AMHR2: variants seen among roughly 807,000 people sequenced by gnomAD.
The protein encoded by AMHR2 is anti-Mullerian hormone receptor type 2.
In AMHR2, 36 loss-of-function variants were observed where a neutral mutation model predicts 61.4. The observed-to-expected ratio is 0.59, with a 90% CI of 0.45 to 0.77. The LOEUF is 0.77. AMHR2 is among the 30% of genes least tolerant of loss of function. The pLI is 0.00. For missense variants in AMHR2, 638 were observed against 714.6 expected, an observed-to-expected ratio of 0.89 and a Z score of 1.22; for synonymous variants, 258 against 279.4, an observed-to-expected ratio of 0.92 and a Z score of 0.76.
In AMHR2 at chr12:53,429,120, C is replaced by T. The variant is rs892439577; in HGVS notation, c.967+110C>T. 293 of 1,031,310 alleles carry T rather than the reference C, an allele frequency of 2.8e-4. 2 individuals carry two copies. The highest frequency in any genetic ancestry group is 1.2e-4 in the Non-Finnish European group (80 of 686,996). The allele number at this position is 1,031,310 out of a possible 1,614,324, so 63.9% of individuals were successfully genotyped here. A position where few individuals can be genotyped will look rare whatever the true frequency, so the allele number is the denominator to read the frequency against. On this transcript the variant is annotated intron_variant, in intron 7 of 10. Transcript: ENST00000257863. ...CAAAAGAGGGAGGAAGAGCCGGGCA[C>T]GGTGGCTCACGCCTATAATCCCAGC...
At chr12:53,430,537 TCTC>T in intron 10 of AMHR2, 1 of 580,268 alleles carries the variant, frequency 1.7e-6, no homozygotes, top group Non-Finnish European at 3.1e-6. Context: ...CCAGCCTGTC[TCTC>T]CTCTCTGCCA....
At chr12:53,428,655 G>A (rs1939825122) in intron 6 of AMHR2, among the ~76,000 whole-genome samples, 1 of 152,174 alleles carries the variant, frequency 6.6e-6, no homozygotes, top group Non-Finnish European at 1.5e-5. Context: ...GATTACAGGA[G>A]GCCACATCCA....
chr12:53,430,437 C>G (rs1420226031), intron 10 of AMHR2, 155 bp downstream of exon 10: 1 of 1,176,738 alleles, frequency 8.5e-7, no homozygotes, highest in Non-Finnish European at 1.2e-6. Flanking sequence ...CAAGCCTCCT[C>G]TCCCCGTCAG....
chr12:53,430,154 C>G lies in AMHR2; in HGVS notation c.1297C>G (p.Pro433Ala). Reference sequence around the variant, plus strand: ...CCTCTACCTTCCTCCAGACAGCAGTCCACCACCCTTCCAACTGGCCTATGA... The same window carrying G: ...CCTCTACCTTCCTCCAGACAGCAGTGCACCACCCTTCCAACTGGCCTATGA... Reference protein sequence around the residue: ...RCPDLRPDSSPPPFQLAYEAE... With the variant: ...RCPDLRPDSSAPPFQLAYEAE... The change falls in exon 10 of 11, where the codon CCA becomes GCA. Residue 433 changes from proline (P) to alanine (A), a missense_variant. Physicochemically the swap from Pro to Ala is conservative, Grantham distance 27. Transcript: ENST00000257863. 2 of 1,614,208 alleles carry G rather than the reference C, an allele frequency of 1.2e-6. No individual in the cohort carries two copies. The highest frequency in any genetic ancestry group is 8.5e-7 in the Non-Finnish European group (1 of 1,180,034).
chr12:53,425,094 T>A (rs1592591846), intron 3 of AMHR2, 71 bp from the exon 4 acceptor site: 2 of 1,607,448 alleles, frequency 1.2e-6, no homozygotes, highest in East Asian at 4.5e-5. Flanking sequence ...ACGCAAGCTC[T>A]CAGGAGGGGA....
In AMHR2 at chr12:53,424,997, C is replaced by G. The variant is rs574091089; in HGVS notation, c.424+97C>G. On this transcript the variant is annotated intron_variant, in intron 3 of 10. Transcript: ENST00000257863. ...CAGTTCTCACCCTACTCCCGCCCCA[C>G]GCTTTCCTCCTCCTGGCCTTGGGAA... 3.9e-6 allele frequency: 6 copies of G among 1,551,690 alleles called. No individual in the cohort carries two copies. In the South Asian group the frequency reaches 5.6e-5, roughly 14 times the overall value.
At position 53,425,438 on chromosome 12, in the gene AMHR2, G is replaced by A. The variant is rs1293060359; in HGVS notation, c.503-17G>A. The stretch of plus-strand genomic sequence containing the variant: ...TATGCATTTGCACCCTGACCCTAAG[G>A]CTCTTGTCTGTTCCAGCCCTGCTAC... On this transcript the variant is annotated splice_polypyrimidine_tract_variant and intron_variant, in intron 4 of 10. Coordinates refer to ENST00000257863, the MANE Select transcript of AMHR2 (RefSeq NM_020547.3). 7 of 1,613,288 alleles carry A rather than the reference G, an allele frequency of 4.3e-6. No homozygotes were observed. Among genetic ancestry groups the A allele is most frequent in the Non-Finnish European group, 5.9e-6 (7 of 1,179,788 alleles).
intron 6 of AMHR2, among the ~76,000 whole-genome samples, chr12:53,427,932 T>C (rs751624168): frequency 7.9e-5 from 12 of 152,156 alleles, no homozygotes; most frequent in Non-Finnish European, 1.5e-4. Flanking sequence ...CTTTGCCCTA[T>C]TGTAAGTAGT....
At chr12:53,430,091 A>C in intron 9 of AMHR2, 55 bp from the exon 10 acceptor site, 1 of 1,614,044 alleles carries the variant, frequency 6.2e-7, no homozygotes, top group Non-Finnish European at 8.5e-7. Context: ...TGCCCTTTCT[A>C]CATGGTAGGC....
Position 53,429,583 on chromosome 12 carries a change from C to G in AMHR2, c.1098C>G (p.Ala366=). 3 of 1,614,128 alleles carry G rather than the reference C, an allele frequency of 1.9e-6. No individual in the cohort carries two copies. Among genetic ancestry groups the G allele is most frequent in the Non-Finnish European group, 2.5e-6 (3 of 1,180,020 alleles). Reference sequence around the variant, plus strand: ...TCCCTGGCCTCACTCAGCCCCCTGCCTGGACCCCTACTCAACCACAAGGCC... The same window carrying G: ...TCCCTGGCCTCACTCAGCCCCCTGCGTGGACCCCTACTCAACCACAAGGCC... The part of the protein sequence containing the change: ...LVLPGLTQPP[A]WTPTQPQGPA... The change falls in exon 8 of 11, where the codon GCC becomes GCG. Residue 366 remains alanine, a synonymous_variant. Coordinates refer to ENST00000257863, the MANE Select transcript of AMHR2 (RefSeq NM_020547.3).
intron 8 of AMHR2, 88 bp from the exon 9 acceptor site, chr12:53,429,743 C>G: frequency 6.2e-7 from 1 of 1,604,546 alleles, no homozygotes; most frequent in Non-Finnish European, 8.5e-7. Context: ...ATTGCTGAGT[C>G]TGTAGTTGGG....
chr12:53,424,262 T>A (rs770408534), intron 1 of AMHR2, 26 bp from the exon 2 acceptor site: 1 of 1,612,064 alleles, frequency 6.2e-7, no homozygotes, highest in African/African-American at 1.3e-5. Flanking sequence ...CCTTGAATCT[T>A]TTCCTTTCCC....
Position 53,424,436 on chromosome 12 carries a change from C to A in AMHR2, c.198C>A (p.Asn66Lys). ...GCCGCTGCTGCTTTGGGATCTGGAA[C>A]CTGACCCAAGACCGGGCACAGGTGG... ...LYSRCCFGIW[N>K]LTQDRAQVEM... The change falls in exon 2 of 11, where the codon AAC becomes AAA. Residue 66 changes from asparagine (N) to lysine (K), a missense_variant. Coordinates refer to ENST00000257863, the MANE Select transcript of AMHR2 (RefSeq NM_020547.3). 1.2e-6 allele frequency: 2 copies of A among 1,613,584 alleles called. No homozygotes were observed. The highest frequency in any genetic ancestry group is 1.7e-6 in the Non-Finnish European group (2 of 1,179,850).
Position 53,429,727 on chromosome 12 carries a change from T to C in AMHR2, c.1140+102T>C. ...CAGTTGTAGCAATACCTATAGCATTTGGGACATTGCTGAGTCTGTAGTTGG... is the reference window on the plus strand; with the variant it reads ...CAGTTGTAGCAATACCTATAGCATTCGGGACATTGCTGAGTCTGTAGTTGG... On this transcript the variant is annotated intron_variant, in intron 8 of 10. Transcript: ENST00000257863. 1.9e-6 allele frequency: 3 copies of C among 1,599,518 alleles called. No homozygotes were observed. The South Asian group carries it at 3.3e-5, about 18-fold the overall frequency.
At chr12:53,430,110 G>A in intron 9 of AMHR2, 36 bp from the exon 10 acceptor site, 1 of 1,614,086 alleles carries the variant, frequency 6.2e-7, no homozygotes. Context: ...GCACCCCTAG[G>A]ACTAACTGAT....
intron 8 of AMHR2, 101 bp downstream of exon 8, chr12:53,429,726 T>G (rs891199258): frequency 5.6e-6 from 9 of 1,599,908 alleles, no homozygotes; most frequent in Non-Finnish European, 6.8e-6. Context: ...CCTATAGCAT[T>G]TGGGACATTG....
chr12:53,431,591 G>A lies in AMHR2; in HGVS notation c.*118G>A, dbSNP rs1425303257. ...GCCGAATCCTTGGATTCTTCTGCGGGCATCCAGTCCACATCAGTTCTGACC... is the reference window on the plus strand; with the variant it reads ...GCCGAATCCTTGGATTCTTCTGCGGACATCCAGTCCACATCAGTTCTGACC... On this transcript the variant is annotated 3_prime_UTR_variant, in exon 11 of 11. Coordinates refer to ENST00000257863, the MANE Select transcript of AMHR2 (RefSeq NM_020547.3). 1.5e-6 allele frequency: 2 copies of A among 1,323,208 alleles called. No homozygotes were observed. Among genetic ancestry groups the A allele is most frequent in the Non-Finnish European group, 1.1e-6 (1 of 936,182 alleles). 82.0% of individuals were successfully genotyped at this position (1,323,208 alleles called of 1,614,324 possible). A position where few individuals can be genotyped will look rare whatever the true frequency, so the allele number is the denominator to read the frequency against.
chr12:53,425,623 T>C (rs1939509448), intron 5 of AMHR2, 50 bp downstream of exon 5: 3 of 1,612,492 alleles, frequency 1.9e-6, no homozygotes, highest in Non-Finnish European at 2.5e-6. Context: ...CTGGAGGTTG[T>C]GCTGGGGAGG....
At chr12:53,427,548 TGCC>T (rs771831154) in intron 6 of AMHR2, among the ~76,000 whole-genome samples, 64 of 152,254 alleles carry the variant, frequency 4.2e-4, no homozygotes, top group Middle Eastern at 3.4e-3. Flanking sequence ...GATTAAGGCG[TGCC>T]GCCACTACTC....
Sources: allele counts gnomAD v4.1 joint callset (sites outside exome capture counted in the v4.1 genomes callset), GRCh38; gene constraint gnomAD v4.1.1; transcripts MANE v1.5; gene names NCBI Gene and HGNC (gene_info 2026-07-23, HGNC 2026-07-21).